Variants in PCDH15 observed in about 807,000 individuals in gnomAD.
PCDH15 encodes protocadherin related 15.
In PCDH15, 129 loss-of-function variants were observed where a neutral mutation model predicts 178.5. That is an observed-to-expected ratio of 0.72 (90% CI 0.63 to 0.84). PCDH15 has a LOEUF of 0.84. Ranked by LOEUF, PCDH15 falls within the 40% of genes least tolerant of loss-of-function variation. The pLI is 0.00. For synonymous variants in PCDH15, 800 were observed against 732.0 expected (o/e 1.09, Z -1.50); for missense variants, 2,230 against 2,099.9 (o/e 1.06, Z -1.21).
At chr10:55,620,390 T>C (rs1445641061) in intron 2 of PCDH15, among the ~76,000 whole-genome samples, 1 of 152,046 alleles carries the variant, frequency 6.6e-6, no homozygotes, top group Non-Finnish European at 1.5e-5. Context: ...GAGAATAGAT[T>C]ATATTCCCTC....
At chr10:54,758,855 G>A (rs866059094) in intron 1 of PCDH15, among the ~76,000 whole-genome samples, 1 of 152,250 alleles carries the variant, frequency 6.6e-6, no homozygotes. Flanking sequence ...AAGACTTTCC[G>A]GGTTATAGGA....
intron 2 of PCDH15, among the ~76,000 whole-genome samples, chr10:55,336,016 T>C (rs565062076): frequency 6.6e-6 from 1 of 151,158 alleles, no homozygotes; most frequent in Admixed American, 6.6e-5. Flanking sequence ...CTCAGAACTA[T>C]TGACATTTTG....
chr10:54,646,785 T>C lies in PCDH15; in HGVS notation c.91+17387A>G, dbSNP rs540088194. ...TGCTGATACAAATGCAAAAATGATA[T>C]ATCACCTCATGCTTACTAGGATGAC... On this transcript the variant is annotated intron_variant, in intron 2 of 37. Transcript: ENST00000644397. 5.9e-5 allele frequency among the ~76,000 whole-genome samples: 9 copies of C among 152,152 alleles called. No individual in the cohort carries two copies. In the South Asian group the frequency reaches 1.9e-3, roughly 32 times the overall value.
At chr10:54,590,967 A>T (rs1219350691) in intron 2 of PCDH15, among the ~76,000 whole-genome samples, 2 of 152,188 alleles carry the variant, frequency 1.3e-5, no homozygotes, top group African/African-American at 4.8e-5. Flanking sequence ...GTAGTTGGTA[A>T]ACATTCAATG....
intron 2 of PCDH15, among the ~76,000 whole-genome samples, chr10:55,000,778 A>G (rs2141839): frequency 0.54 from 82,341 of 151,702 alleles, 23,283 homozygotes; most frequent in African/African-American, 0.68. Flanking sequence ...GGCTTCAGTC[A>G]GTCCCTCCAT....
chr10:54,186,665 C>G (rs1044888598), intron 11 of PCDH15, among the ~76,000 whole-genome samples: 1 of 151,804 alleles, frequency 6.6e-6, no homozygotes, highest in Non-Finnish European at 1.5e-5. Context: ...TTCCAACTGG[C>G]GTATTTATTA....
intron 35 of PCDH15, among the ~76,000 whole-genome samples, chr10:53,812,232 G>A (rs1322031720): frequency 1.3e-5 from 2 of 152,180 alleles, no homozygotes; most frequent in African/African-American, 4.8e-5. Context: ...TTTTGAGACG[G>A]AGTCTCGCTG....
intron 1 of PCDH15, among the ~76,000 whole-genome samples, chr10:55,267,075 AC>A (rs1739958638): frequency 6.6e-6 from 1 of 152,216 alleles, no homozygotes; most frequent in African/African-American, 2.4e-5. Flanking sequence ...GGACAGAGGA[AC>A]TTTTCCCATT....
At chr10:54,953,405 T>C (rs867509949) in intron 2 of PCDH15, among the ~76,000 whole-genome samples, 1 of 151,486 alleles carries the variant, frequency 6.6e-6, no homozygotes, top group Non-Finnish European at 1.5e-5. Flanking sequence ...AGTACATTGT[T>C]GGATTCAATT....
intron 28 of PCDH15, among the ~76,000 whole-genome samples, chr10:53,849,860 CAAAAAA>C (rs58458871): frequency 0.013 from 690 of 52,766 alleles, 2 homozygotes; most frequent in African/African-American, 0.037. Flanking sequence ...GGCTCCGTCT[CAAAAAA>C]AAAAAAAAAA....
At chr10:54,670,095 C>T (rs2094636227) in intron 1 of PCDH15, among the ~76,000 whole-genome samples, 1 of 151,988 alleles carries the variant, frequency 6.6e-6, no homozygotes, top group Non-Finnish European at 1.5e-5. Flanking sequence ...TTTGGGTGCA[C>T]TCTGTCTCAA....
At chr10:54,099,513 A>AAAAATATATAT (rs1347306483) in intron 15 of PCDH15, among the ~76,000 whole-genome samples, 5 of 117,896 alleles carry the variant, frequency 4.2e-5, no homozygotes, top group South Asian at 2.9e-4. Context: ...AAAAAAAAAA[A>AAAAATATATAT]ATATATATAT....
intron 8 of PCDH15, among the ~76,000 whole-genome samples, chr10:54,238,677 T>TCTCTCACA (rs1186937599): frequency 6.9e-6 from 1 of 144,262 alleles, no homozygotes; most frequent in African/African-American, 2.7e-5. Flanking sequence ...TCTCTCTCTC[T>TCTCTCACA]CACACACACA....
At chr10:55,393,157 G>C (rs1837840591) in intron 2 of PCDH15, among the ~76,000 whole-genome samples, 1 of 152,000 alleles carries the variant, frequency 6.6e-6, no homozygotes, top group African/African-American at 2.4e-5. Context: ...CACCAATATA[G>C]AGCCTTAGTC....
At chr10:54,091,148 C>A (rs1245880874) in intron 15 of PCDH15, among the ~76,000 whole-genome samples, 2 of 152,136 alleles carry the variant, frequency 1.3e-5, no homozygotes, top group Non-Finnish European at 2.9e-5. Flanking sequence ...TCCAGTGAGT[C>A]ATTCGATCCT....
At chr10:54,017,615 A>G (rs185973466) in intron 20 of PCDH15, among the ~76,000 whole-genome samples, 130 of 152,186 alleles carry the variant, frequency 8.5e-4, no homozygotes, top group African/African-American at 3.0e-3. Context: ...AAAAATAGCC[A>G]CTGAAAATTA....
At chr10:54,665,961 T>C (rs1359359097) in intron 1 of PCDH15, among the ~76,000 whole-genome samples, 1 of 151,862 alleles carries the variant, frequency 6.6e-6, no homozygotes, top group Non-Finnish European at 1.5e-5. Context: ...GGCTTTTTTT[T>C]TAAATTCAAG....
At chr10:55,367,691 A>C (rs1376731377) in intron 2 of PCDH15, among the ~76,000 whole-genome samples, 2 of 152,180 alleles carry the variant, frequency 1.3e-5, no homozygotes, top group African/African-American at 4.8e-5. Context: ...GGTTGAACAC[A>C]GAAGCAAAGG....
intron 1 of PCDH15, among the ~76,000 whole-genome samples, chr10:54,724,245 A>G (rs1349543013): frequency 6.8e-6 from 1 of 147,698 alleles, no homozygotes; most frequent in African/African-American, 2.5e-5. Flanking sequence ...AGCAACTTGG[A>G]TGGAACTAGA....
Sources: allele counts gnomAD v4.1 joint callset (sites outside exome capture counted in the v4.1 genomes callset), GRCh38; gene constraint gnomAD v4.1.1; transcripts MANE v1.5; gene names NCBI Gene and HGNC (gene_info 2026-07-23, HGNC 2026-07-21).